Variants in KLHL13 observed in about 807,000 individuals in gnomAD.
KLHL13 encodes the protein kelch like family member 13.
KLHL13 carries 10 observed loss-of-function variants against 37.1 expected under a neutral mutation model. The observed-to-expected ratio is 0.27, with a 90% CI of 0.17 to 0.46. The LOEUF (loss-of-function observed/expected upper bound fraction) is 0.46. KLHL13 is among the 20% of genes least tolerant of loss of function. The pLI is 1.00. For synonymous variants in KLHL13, 163 were observed against 181.2 expected, an observed-to-expected ratio of 0.90 and a Z score of 0.81; for missense variants, 360 against 509.3, an observed-to-expected ratio of 0.71 and a Z score of 2.82.
upstream of KLHL13, among the ~76,000 whole-genome samples, chrX:117,975,183 C>G (rs188637635): frequency 1.8e-5 from 2 of 110,289 alleles, no homozygotes; most frequent in East Asian, 5.6e-4. Context: ...TACATACACA[C>G]ACACACACAC....
intron 1 of KLHL13, among the ~76,000 whole-genome samples, chrX:118,073,542 G>T (rs937069013): frequency 9.0e-6 from 1 of 111,460 alleles, no homozygotes; most frequent in Non-Finnish European, 1.9e-5. Context: ...ACATATACTT[G>T]GCTGTGGATA....
intron 1 of KLHL13, chrX:117,945,944 AG>A (rs1933297461): frequency 8.2e-6 from 1 of 121,599 alleles, no homozygotes; most frequent in African/African-American, 3.2e-5. Flanking sequence ...AATTTTGAAA[AG>A]ATAAAAATGA....
At chrX:118,035,023 T>C (rs1179869689) in intron 1 of KLHL13, among the ~76,000 whole-genome samples, 1 of 93,837 alleles carries the variant, frequency 1.1e-5, no homozygotes, top group African/African-American at 5.5e-5. Flanking sequence ...ACACATACAC[T>C]CTCCCAAGAC....
intron 1 of KLHL13, among the ~76,000 whole-genome samples, chrX:117,988,041 A>G (rs955951394): frequency 4.4e-5 from 5 of 112,509 alleles, no homozygotes; most frequent in African/African-American, 1.6e-4. Flanking sequence ...ATTTTAAAAC[A>G]AAGAGAAAAT....
intron 1 of KLHL13, among the ~76,000 whole-genome samples, chrX:118,036,888 A>G (rs1326035372): frequency 9.5e-6 from 1 of 104,967 alleles, no homozygotes; most frequent in African/African-American, 3.5e-5. Context: ...AACTCAAACA[A>G]ATTTACAAGA....
Position 118,035,544 on chromosome X carries a change from C to G in KLHL13, c.-56+80964G>C, listed in dbSNP as rs781696499. ...AAGGCCTTTGACAAAATTCAACAAC[C>G]CTTCATGCTAAAAACTCTCAATAAA... is the stretch of plus-strand genomic sequence containing the variant. On this transcript the variant is annotated intron_variant, in intron 1 of 6. Transcript: ENST00000371882. Among the ~76,000 whole-genome samples the G allele has an allele frequency of 9.5e-3, 1,033 of 108,449 alleles. 2 individuals are homozygous for G. The highest frequency in any genetic ancestry group is 0.014 in the Non-Finnish European group (750 of 52,812). The allele number at this position is 108,449 out of a possible 115,157, so 94.2% of individuals were successfully genotyped here.
intron 1 of KLHL13, among the ~76,000 whole-genome samples, chrX:118,003,040 A>T (rs929724355): frequency 8.9e-6 from 1 of 112,463 alleles, no homozygotes; most frequent in Non-Finnish European, 1.9e-5. Context: ...GTAATAGCAC[A>T]GAGTACCAAA....
At chrX:118,018,358 C>A (rs745390605) in intron 1 of KLHL13, among the ~76,000 whole-genome samples, 1 of 111,661 alleles carries the variant, frequency 9.0e-6, no homozygotes, top group South Asian at 3.7e-4. Context: ...TGCTTTTGCA[C>A]GTGACAATGT....
At position 118,031,478 on chromosome X, in the gene KLHL13, T is replaced by C. The variant is rs1447175809; in HGVS notation, c.-56+85030A>G. 2.5e-4 allele frequency among the ~76,000 whole-genome samples: 24 copies of C among 96,446 alleles called. 1 individual carries two copies. Among genetic ancestry groups the C allele is most frequent in the African/African-American group, 9.3e-4 (24 of 25,717 alleles). 83.8% of individuals were successfully genotyped at this position (96,446 alleles called of 115,157 possible). On this transcript the variant is annotated intron_variant, in intron 1 of 6. Transcript: ENST00000371882. ...ATAGATATATATATTTAGATATATA[T>C]ATAGATATATATATTTAGATATATA...
chrX:118,046,587 T>A (rs751707469), intron 1 of KLHL13, among the ~76,000 whole-genome samples: 2 of 112,231 alleles, frequency 1.8e-5, no homozygotes, highest in South Asian at 7.4e-4. Flanking sequence ...CTTGAGGGGA[T>A]GGACACCCCA....
chrX:117,930,591 C>G (rs1296904031), intron 2 of KLHL13, among the ~76,000 whole-genome samples: 1 of 111,635 alleles, frequency 9.0e-6, no homozygotes, highest in Admixed American at 9.5e-5. Context: ...TCGACACTAG[C>G]AAATAACCAA....
intron 1 of KLHL13, among the ~76,000 whole-genome samples, chrX:117,997,843 C>T (rs144173007): frequency 1.8e-5 from 2 of 111,827 alleles, no homozygotes; most frequent in East Asian, 5.6e-4. Context: ...CCCCTGAAGG[C>T]ACCCACAAAG....
intron 1 of KLHL13, among the ~76,000 whole-genome samples, chrX:118,019,429 C>T (rs2054171735): frequency 9.1e-6 from 1 of 109,536 alleles, no homozygotes; most frequent in South Asian, 3.8e-4. Flanking sequence ...AAATTTTCTC[C>T]CATTTTGTAG....
chrX:118,047,595 T>A (rs996347587), intron 1 of KLHL13, among the ~76,000 whole-genome samples: 16 of 112,018 alleles, frequency 1.4e-4, no homozygotes, highest in African/African-American at 4.9e-4. Context: ...TTACTTTTAA[T>A]GACAAAAACC....
At chrX:117,998,380 G>A (rs2053880206) in intron 1 of KLHL13, among the ~76,000 whole-genome samples, 1 of 111,638 alleles carries the variant, frequency 9.0e-6, no homozygotes, top group Non-Finnish European at 1.9e-5. Flanking sequence ...AATTTGAACA[G>A]GGAGAGTTGT....
chrX:117,898,904 G>T, exon 7 of KLHL13: 1 of 1,192,589 alleles, frequency 8.4e-7, no homozygotes, highest in Non-Finnish European at 1.1e-6. Flanking sequence ...TTGTAGAGAT[G>T]ATCTTAAGGT....
chrX:118,061,329 G>GTGTT (rs1569306103), intron 1 of KLHL13, among the ~76,000 whole-genome samples: 3 of 111,256 alleles, frequency 2.7e-5, no homozygotes, highest in Non-Finnish European at 5.7e-5. Flanking sequence ...GCAGAGGTAA[G>GTGTT]TGTTATGGAA....
At chrX:117,987,939 A>G (rs1206557567) in intron 1 of KLHL13, among the ~76,000 whole-genome samples, 1 of 111,969 alleles carries the variant, frequency 8.9e-6, no homozygotes, top group Non-Finnish European at 1.9e-5. Flanking sequence ...AATAATCTTC[A>G]AAAACAGGCA....
chrX:118,029,508 C>A (rs751557462), intron 1 of KLHL13, among the ~76,000 whole-genome samples: 1 of 111,267 alleles, frequency 9.0e-6, no homozygotes, highest in East Asian at 2.8e-4. Context: ...TTTAGTAATG[C>A]CGATGTATAA....
Sources: allele counts gnomAD v4.1 joint callset (sites outside exome capture counted in the v4.1 genomes callset), GRCh38; gene constraint gnomAD v4.1.1; transcripts MANE v1.5; gene names NCBI Gene and HGNC (gene_info 2026-07-23, HGNC 2026-07-21).